Variants in SIK2 observed in about 807,000 individuals in gnomAD.
The protein encoded by SIK2 is salt inducible kinase 2.
In SIK2, 29 loss-of-function variants were observed where a neutral mutation model predicts 103.2. The ratio of observed to expected loss-of-function variants is 0.28; its 90% confidence interval spans 0.21 to 0.38. SIK2 has a LOEUF of 0.38. Ranked by LOEUF, SIK2 falls within the 10% of genes least tolerant of loss-of-function variation. SIK2 has a pLI of 1.00. For synonymous variants in SIK2, 412 were observed against 446.1 expected, an observed-to-expected ratio of 0.92 and a Z score of 0.96; for missense variants, 879 against 1,171.0, an observed-to-expected ratio of 0.75 and a Z score of 3.64.
rs531222433 is a variant in SIK2, at chr11:111,719,040, G to A, written c.1267-735G>A. Among the ~76,000 whole-genome samples, 34 of 152,324 alleles carry A rather than the reference G, an allele frequency of 2.2e-4. No individual in the cohort carries two copies. In the South Asian group the frequency reaches 6.4e-3, roughly 29 times the overall value. On this transcript the variant is annotated intron_variant, in intron 9 of 14. Transcript: ENST00000304987. ...TCACCCCTGTGGGATAGGAACCATC[G>A]ATAACGTATATGTTGCTGGAGGAGA...
intron 4 of SIK2, among the ~76,000 whole-genome samples, chr11:111,693,188 T>C (rs1266303797): frequency 6.6e-6 from 1 of 152,050 alleles, no homozygotes; most frequent in African/African-American, 2.4e-5. Flanking sequence ...AAAAATTAGC[T>C]GGGCATGGTG....
At chr11:111,604,796 C>T (rs1376459506) in intron 1 of SIK2, among the ~76,000 whole-genome samples, 2 of 152,056 alleles carry the variant, frequency 1.3e-5, no homozygotes, top group Non-Finnish European at 2.9e-5. Context: ...CTGTTATTAA[C>T]ATATAAAAAG....
chr11:111,703,517 TC>T, intron 7 of SIK2, 94 bp downstream of exon 7: 1 of 1,096,272 alleles, frequency 9.1e-7, no homozygotes, highest in Non-Finnish European at 1.4e-6. Flanking sequence ...CACATGTATC[TC>T]CAGCGCCTAG....
intron 3 of SIK2, among the ~76,000 whole-genome samples, chr11:111,669,307 T>C (rs750598475): frequency 2.6e-5 from 4 of 152,234 alleles, no homozygotes; most frequent in Non-Finnish European, 5.9e-5. Flanking sequence ...TCTCTCAGAA[T>C]CTAAGACTTG....
chr11:111,706,345 G>A (rs1262583192), intron 8 of SIK2, among the ~76,000 whole-genome samples: 2 of 152,188 alleles, frequency 1.3e-5, no homozygotes, highest in African/African-American at 4.8e-5. Context: ...CATTAACTCA[G>A]TTGCTCAGGA....
chr11:111,622,490 G>A (rs1024597552), intron 3 of SIK2, among the ~76,000 whole-genome samples: 50 of 151,860 alleles, frequency 3.3e-4, no homozygotes, highest in Admixed American at 2.4e-3. Flanking sequence ...ACCTGACATC[G>A]TGATCCGCCC....
chr11:111,630,626 T>C (rs1268742718), intron 3 of SIK2, among the ~76,000 whole-genome samples: 1 of 152,200 alleles, frequency 6.6e-6, no homozygotes, highest in Non-Finnish European at 1.5e-5. Flanking sequence ...TTATGCCTTT[T>C]ATTAGAAGCA....
rs1165542694 is a variant in SIK2, at chr11:111,723,661, C to T, written c.2313C>T (p.Thr771=). 6.2e-7 allele frequency: 1 copy of T among 1,613,738 alleles called. No individual in the cohort carries two copies. Among genetic ancestry groups the T allele is most frequent in the South Asian group, 1.1e-5 (1 of 90,726 alleles). Residue 771 remains threonine (T), a synonymous_variant, in exon 15 of 15, where the codon ACC becomes ACT. Coordinates refer to ENST00000304987, the MANE Select transcript of SIK2 (RefSeq NM_015191.3). ...AGCAGGCCCCACCGTTCAGCCTGAC[C>T]CAGCCCCTGAGCCCCGTCCTGGAGC... is the stretch of plus-strand genomic sequence containing the variant. ...PSQQAPPFSL[T]QPLSPVLEPS...
At chr11:111,685,849 C>A (rs1402104696) in intron 3 of SIK2, among the ~76,000 whole-genome samples, 1 of 151,746 alleles carries the variant, frequency 6.6e-6, no homozygotes, top group Non-Finnish European at 1.5e-5. Context: ...GAGGCCCTGA[C>A]TAAAAAATAA....
chr11:111,612,944 A>ATATATATATATT (rs1184940281), intron 1 of SIK2, among the ~76,000 whole-genome samples: 27 of 147,746 alleles, frequency 1.8e-4, no homozygotes, highest in Non-Finnish European at 3.4e-4. Context: ...ATATATATAT[A>ATATATATATATT]TATTTATGAT....
intron 3 of SIK2, among the ~76,000 whole-genome samples, chr11:111,680,384 G>A (rs902622612): frequency 2.0e-5 from 3 of 151,900 alleles, no homozygotes; most frequent in Non-Finnish European, 2.9e-5. Flanking sequence ...TGTGGGTTAG[G>A]ACCTCTTGCC....
chr11:111,610,152 T>C (rs1941700522), intron 1 of SIK2, among the ~76,000 whole-genome samples: 1 of 152,216 alleles, frequency 6.6e-6, no homozygotes, highest in African/African-American at 2.4e-5. Flanking sequence ...TAAATGAGAT[T>C]AGTATTTCTT....
chr11:111,637,444 A>G (rs191001186), intron 3 of SIK2, among the ~76,000 whole-genome samples: 164 of 146,322 alleles, frequency 1.1e-3, no homozygotes, highest in African/African-American at 3.8e-3. Flanking sequence ...TTATCTGATC[A>G]TTTTGTAATA....
intron 3 of SIK2, among the ~76,000 whole-genome samples, chr11:111,630,924 A>G (rs1797542535): frequency 6.6e-6 from 1 of 152,134 alleles, no homozygotes; most frequent in South Asian, 2.1e-4. Context: ...GGGTCTACAT[A>G]GGATTCAGTA....
intron 3 of SIK2, among the ~76,000 whole-genome samples, chr11:111,669,146 T>G (rs1360765838): frequency 1.3e-5 from 2 of 152,180 alleles, no homozygotes; most frequent in Non-Finnish European, 2.9e-5. Flanking sequence ...ATGGTCCTTT[T>G]CTCTATGCTT....
intron 3 of SIK2, among the ~76,000 whole-genome samples, chr11:111,640,571 G>T (rs1942167495): frequency 6.6e-6 from 1 of 151,956 alleles, no homozygotes; most frequent in Non-Finnish European, 1.5e-5. Context: ...CTTCATTCAA[G>T]AAATAATGAC....
In SIK2 at chr11:111,705,590, CAG is replaced by C; in HGVS notation, c.1101+452_1101+453del. ...GATGAGAGCTGTAGCAGAGCAGGGA[CAG>C]GGGAGAGAGGGGCACATCTGAACAG... On this transcript the variant is annotated intron_variant, in intron 8 of 14. Coordinates refer to ENST00000304987, the MANE Select transcript of SIK2 (RefSeq NM_015191.3). This position sits in a 1 kb window ranked among gnomAD's most constrained non-coding sequence, Gnocchi z 4.3. Among the ~76,000 whole-genome samples, 1 of 152,106 alleles carries C rather than the reference CAG, an allele frequency of 6.6e-6. No homozygotes were observed. The highest frequency in any genetic ancestry group is 2.1e-4 in the South Asian group (1 of 4,812).
rs1360033451 is a variant in SIK2 at position 111,726,968 on chromosome 11, G to A, written c.*2839G>A. ...TTCTTTTTTTAAATCTGGGGTATTA[G>A]TCTGTGCTTTGGGAGAAATGCACTA... On this transcript the variant is annotated 3_prime_UTR_variant, in exon 15 of 15. Coordinates refer to ENST00000304987, the MANE Select transcript of SIK2 (RefSeq NM_015191.3). 6.2e-7 allele frequency: 1 copy of A among 1,613,452 alleles called. No individual in the cohort carries two copies. Among genetic ancestry groups the A allele is most frequent in the African/African-American group, 1.3e-5 (1 of 74,902 alleles).
rs554646093 is a variant in SIK2, at chr11:111,649,632, T to A, written c.316+29230T>A. 2.6e-5 allele frequency among the ~76,000 whole-genome samples: 4 copies of A among 152,208 alleles called. No individual in the cohort carries two copies. In the East Asian group the frequency reaches 5.8e-4, roughly 22 times the overall value. ...CTAACAAGGAATGAACATTCATTCA[T>A]TTGTTCATTCATGAGGATTAAGCAA... On this transcript the variant is annotated intron_variant, in intron 3 of 14. Coordinates refer to ENST00000304987, the MANE Select transcript of SIK2 (RefSeq NM_015191.3).
Sources: allele counts gnomAD v4.1 joint callset (sites outside exome capture counted in the v4.1 genomes callset), GRCh38; gene constraint gnomAD v4.1.1; non-coding constraint Gnocchi (gnomAD v3.1); transcripts MANE v1.5; gene names NCBI Gene and HGNC (gene_info 2026-07-23, HGNC 2026-07-21).